Variants in TDRD3 observed in about 807,000 individuals in gnomAD.
The protein encoded by TDRD3 is tudor domain-containing protein 3.
In TDRD3, 45 loss-of-function variants were observed where a neutral mutation model predicts 86.7. The ratio of observed to expected loss-of-function variants is 0.52; its 90% CI spans 0.41 to 0.67. TDRD3 has a LOEUF of 0.67. Among genes scored for constraint, TDRD3 ranks in the 30% least tolerant of loss-of-function variants. The probability of loss-of-function intolerance (pLI) is 0.00; values close to 1 mark genes in which losing one functional copy is unlikely to be tolerated. For synonymous variants in TDRD3, 298 were observed against 301.7 expected, an observed-to-expected ratio of 0.99 and a Z score of 0.13; for missense variants, 814 against 889.0, an observed-to-expected ratio of 0.92 and a Z score of 1.07.
At chr13:60,398,269 C>G (rs943383139) in intron 1 of TDRD3, among the ~76,000 whole-genome samples, 1 of 152,128 alleles carries the variant, frequency 6.6e-6, no homozygotes, top group Non-Finnish European at 1.5e-5. Flanking sequence ...TCTGCAATTA[C>G]TGCTTTAGGA....
chr13:60,555,807 G>C (rs1958168320), intron 12 of TDRD3, among the ~76,000 whole-genome samples: 2 of 150,450 alleles, frequency 1.3e-5, no homozygotes. Flanking sequence ...CAAGGTGATA[G>C]AAGTATTTTA....
At chr13:60,570,213 A>G (rs1958555930) in intron 13 of TDRD3, among the ~76,000 whole-genome samples, 1 of 152,084 alleles carries the variant, frequency 6.6e-6, no homozygotes, top group African/African-American at 2.4e-5. Flanking sequence ...ACAACTCAAG[A>G]AAAAAAATAA....
At chr13:60,509,998 T>A in intron 9 of TDRD3, 79 bp downstream of exon 9, 1 of 1,501,940 alleles carries the variant, frequency 6.7e-7, no homozygotes. Context: ...AGGCTGTTAT[T>A]TCTGTGAGGG....
At chr13:60,571,705 T>C (rs1958589295) in intron 13 of TDRD3, among the ~76,000 whole-genome samples, 1 of 152,210 alleles carries the variant, frequency 6.6e-6, no homozygotes. Flanking sequence ...TAAAACTTTT[T>C]TTCAAGGCCC....
chr13:60,439,311 T>C (rs2137957179), intron 1 of TDRD3, among the ~76,000 whole-genome samples: 1 of 152,284 alleles, frequency 6.6e-6, no homozygotes, highest in African/African-American at 2.4e-5. Context: ...ATTTTAGTTT[T>C]ATTTTTATAA....
At chr13:60,469,451 C>T (rs1956028038) in intron 5 of TDRD3, among the ~76,000 whole-genome samples, 1 of 151,896 alleles carries the variant, frequency 6.6e-6, no homozygotes, top group Admixed American at 6.6e-5. Context: ...CACACACACA[C>T]ACACGGAGTT....
chr13:60,495,431 C>G (rs1028121306), intron 8 of TDRD3, among the ~76,000 whole-genome samples: 5 of 151,916 alleles, frequency 3.3e-5, no homozygotes, highest in African/African-American at 1.2e-4. Context: ...TTATTATACT[C>G]AAATCCATCT....
intron 1 of TDRD3, among the ~76,000 whole-genome samples, chr13:60,417,644 T>C (rs1423755589): frequency 1.3e-5 from 2 of 152,100 alleles, no homozygotes; most frequent in Non-Finnish European, 2.9e-5. Flanking sequence ...ACTGGCCGAT[T>C]TAAACTAATT....
At chr13:60,453,280 A>T (rs1292657597) in intron 3 of TDRD3, among the ~76,000 whole-genome samples, 1 of 152,168 alleles carries the variant, frequency 6.6e-6, no homozygotes, top group Non-Finnish European at 1.5e-5. Flanking sequence ...AATCCTAAAC[A>T]TTTTCCCAAT....
At chr13:60,518,031 G>A (rs1199519256) in intron 10 of TDRD3, among the ~76,000 whole-genome samples, 1 of 152,222 alleles carries the variant, frequency 6.6e-6, no homozygotes, top group Admixed American at 6.5e-5. Flanking sequence ...GGACATTGCA[G>A]TCTCTGGATT....
chr13:60,397,122 C>A, upstream of TDRD3: 1 of 378,408 alleles, frequency 2.6e-6, no homozygotes, highest in Non-Finnish European at 4.7e-6. Flanking sequence ...TGGATCAGGT[C>A]CCGGAGCTCC....
chr13:60,463,667 C>CA (rs749644505), intron 4 of TDRD3, among the ~76,000 whole-genome samples: 47 of 151,526 alleles, frequency 3.1e-4, no homozygotes, highest in Non-Finnish European at 4.6e-4. Context: ...TAGCAAAAAA[C>CA]AAAAAAACAA....
chr13:60,464,847 G>A (rs1457230552), intron 4 of TDRD3, among the ~76,000 whole-genome samples: 4 of 152,092 alleles, frequency 2.6e-5, no homozygotes, highest in Non-Finnish European at 5.9e-5. Flanking sequence ...AATACAGTTA[G>A]ATAGAAGGAA....
chr13:60,492,981 C>T (rs1247658765), intron 7 of TDRD3, among the ~76,000 whole-genome samples: 1 of 141,100 alleles, frequency 7.1e-6, no homozygotes, highest in Non-Finnish European at 1.5e-5. Flanking sequence ...TGCAGTGGCG[C>T]GATCTCGGCT....
intron 10 of TDRD3, among the ~76,000 whole-genome samples, chr13:60,517,569 A>G (rs748804818): frequency 6.6e-6 from 1 of 152,198 alleles, no homozygotes; most frequent in Admixed American, 6.5e-5. Flanking sequence ...ATGTGTAGCT[A>G]TCTACCCACA....
chr13:60,506,500 CTT>C (rs1300969773), intron 8 of TDRD3, among the ~76,000 whole-genome samples: 1 of 152,118 alleles, frequency 6.6e-6, no homozygotes, highest in East Asian at 1.9e-4. Context: ...AATCCCAGCA[CTT>C]TTGGAGGCCA....
At chr13:60,518,805 G>A (rs1488132978) in intron 10 of TDRD3, among the ~76,000 whole-genome samples, 2 of 152,086 alleles carry the variant, frequency 1.3e-5, no homozygotes, top group Non-Finnish European at 2.9e-5. Context: ...CAAAGGACCT[G>A]ATTTTTCAGA....
At chr13:60,556,107 A>G (rs1958178974) in intron 12 of TDRD3, among the ~76,000 whole-genome samples, 1 of 152,110 alleles carries the variant, frequency 6.6e-6, no homozygotes, top group South Asian at 2.1e-4. Flanking sequence ...CGGCCTCCCA[A>G]AGTGCTGGGA....
At position 60,528,841 on chromosome 13, in the gene TDRD3, A is replaced by G; in HGVS notation, c.1616A>G (p.Gln539Arg). The change falls in exon 11 of 14, where the codon CAA (glutamine) becomes CGA (arginine). Residue 539 changes from glutamine to arginine, a missense_variant. Transcript: ENST00000377881. ...NNQKRGKRES[Q>R]TSIPDYFYDR... ...CAAAAACGTGGAAAAAGAGAAAGCC[A>G]AACATCTATTCCTGATTATTTTTAT... 1 of 1,613,760 alleles carries G rather than the reference A, an allele frequency of 6.2e-7. No individual in the cohort carries two copies. Among genetic ancestry groups the G allele is most frequent in the Non-Finnish European group, 8.5e-7 (1 of 1,179,868 alleles).
Sources: allele counts gnomAD v4.1 joint callset (sites outside exome capture counted in the v4.1 genomes callset), GRCh38; gene constraint gnomAD v4.1.1; transcripts MANE v1.5; gene names NCBI Gene and HGNC (gene_info 2026-07-23, HGNC 2026-07-21).